Variants in PTPRN2 observed in about 807,000 individuals in gnomAD.
PTPRN2 encodes the protein receptor-type tyrosine-protein phosphatase N2.
A neutral mutation model predicts 118.8 loss-of-function variants in PTPRN2; 74 were observed. That is an observed-to-expected ratio of 0.62 (90% CI 0.52 to 0.76). PTPRN2 has a LOEUF of 0.76. Ranked by LOEUF, PTPRN2 falls within the 30% of genes least tolerant of loss-of-function variation. The pLI is 0.00. For missense variants in PTPRN2, 1,481 were observed against 1,394.4 expected (o/e 1.06, Z -0.99); for synonymous variants, 641 against 608.0 (o/e 1.05, Z -0.80).
chr7:157,566,418 A>G (rs1799488075), intron 21 of PTPRN2, among the ~76,000 whole-genome samples: 1 of 152,184 alleles, frequency 6.6e-6, no homozygotes, highest in Non-Finnish European at 1.5e-5. Context: ...ACCAGAACAA[A>G]ACCCCAGCGC....
rs565723335 is a variant in PTPRN2 at position 158,158,280 on chromosome 7, G to A, written c.910+8651C>T. Among the ~76,000 whole-genome samples the A allele has an allele frequency of 1.3e-4, 20 of 152,364 alleles. No homozygotes were observed. The East Asian group carries it at 3.5e-3, about 26-fold the overall frequency. ...TAATCTACTGCTGTCACCGTGAAAA[G>A]TCAAAGCTTTGGTTCAGTGCCCTCC... is the stretch of plus-strand genomic sequence containing the variant. On this transcript the variant is annotated intron_variant, in intron 6 of 22. Transcript: ENST00000389418.
intron 5 of PTPRN2, among the ~76,000 whole-genome samples, chr7:158,176,283 C>T (rs907454998): frequency 1.3e-5 from 2 of 152,170 alleles, no homozygotes; most frequent in South Asian, 2.1e-4. Context: ...GGACAGTCAT[C>T]GCCACGGGGC....
intron 14 of PTPRN2, among the ~76,000 whole-genome samples, chr7:157,643,625 C>T (rs930227315): frequency 6.6e-6 from 1 of 152,352 alleles, no homozygotes; most frequent in Admixed American, 6.5e-5. Context: ...TGACTGCTCC[C>T]CCGACGGAGC....
At chr7:158,111,617 G>A (rs182382823) in intron 9 of PTPRN2, among the ~76,000 whole-genome samples, 19 of 152,264 alleles carry the variant, frequency 1.2e-4, no homozygotes, top group African/African-American at 2.6e-4. Flanking sequence ...ATGTTGTACC[G>A]CAAAGGCTTT....
chr7:157,773,561 A>T (rs1311927324), intron 12 of PTPRN2, among the ~76,000 whole-genome samples: 3 of 152,168 alleles, frequency 2.0e-5, no homozygotes, highest in Non-Finnish European at 2.9e-5. Context: ...TGCACTCAAC[A>T]TCAGCTTCAC....
At chr7:158,100,452 T>C (rs1185200185) in intron 10 of PTPRN2, among the ~76,000 whole-genome samples, 1 of 152,224 alleles carries the variant, frequency 6.6e-6, no homozygotes, top group Non-Finnish European at 1.5e-5. Context: ...ATGGTAGTTC[T>C]TTTAGTTCTT....
At chr7:158,386,026 C>A (rs543943860) in intron 2 of PTPRN2, among the ~76,000 whole-genome samples, 1 of 121,964 alleles carries the variant, frequency 8.2e-6, no homozygotes, top group African/African-American at 3.3e-5. Flanking sequence ...GTCCCTCCTC[C>A]CGTGCCCCGA....
chr7:158,372,037 G>A (rs1351099822), intron 2 of PTPRN2, among the ~76,000 whole-genome samples: 7 of 152,180 alleles, frequency 4.6e-5, no homozygotes, highest in African/African-American at 9.7e-5. Flanking sequence ...GGCTGTGTGC[G>A]GAAGACCCCC....
chr7:158,383,356 A>G (rs1811106362), intron 2 of PTPRN2, among the ~76,000 whole-genome samples: 1 of 152,202 alleles, frequency 6.6e-6, no homozygotes, highest in Non-Finnish European at 1.5e-5. Flanking sequence ...TTCAGAACAG[A>G]GCAATCATGC....
intron 12 of PTPRN2, among the ~76,000 whole-genome samples, chr7:157,821,951 C>T (rs761561683): frequency 2.0e-5 from 3 of 152,008 alleles, no homozygotes; most frequent in Non-Finnish European, 2.9e-5. Context: ...TCCATACACC[C>T]ACTCATCCAC....
rs1434346015 is a variant in PTPRN2, at chr7:157,868,242, G to T, written c.1788+30431C>A. ...CCTACAACTGCTTCCCATCGAGGTG[G>T]TGGGCTGGGACTCGGCAAGCCCATC... On this transcript the variant is annotated intron_variant, in intron 12 of 22. Transcript: ENST00000389418. This position sits in a 1 kb window ranked among gnomAD's most constrained non-coding sequence, Gnocchi z 5.2. Among the ~76,000 whole-genome samples, 3 of 152,216 alleles carry T rather than the reference G, an allele frequency of 2.0e-5. No homozygotes were observed. The highest frequency in any genetic ancestry group is 4.4e-5 in the Non-Finnish European group (3 of 68,032).
chr7:158,068,099 A>C (rs547104252), intron 11 of PTPRN2, among the ~76,000 whole-genome samples: 4 of 152,266 alleles, frequency 2.6e-5, no homozygotes, highest in South Asian at 2.1e-4. Flanking sequence ...GGGCAACAGG[A>C]CTTGGTGGGG....
chr7:158,214,663 G>T (rs900213011), intron 3 of PTPRN2, among the ~76,000 whole-genome samples: 1 of 152,066 alleles, frequency 6.6e-6, no homozygotes, highest in Admixed American at 6.5e-5. Flanking sequence ...GCCAAGTAGG[G>T]ATCCAGAACT....
At position 158,422,285 on chromosome 7, in the gene PTPRN2, G is replaced by A. The variant is rs547431232; in HGVS notation, c.163+67450C>T. Among the ~76,000 whole-genome samples the A allele has an allele frequency of 3.3e-5, 5 of 152,272 alleles. No individual in the cohort carries two copies. The South Asian group carries it at 6.2e-4, about 19-fold the overall frequency. ...TTAAACAGCAAAAGACAGCATCCAC[G>A]TCTCTGCAAAAGGCTTGAACTCTTT... On this transcript the variant is annotated intron_variant, in intron 2 of 22. Transcript: ENST00000389418.
At chr7:158,156,815 T>C (rs1486611956) in intron 6 of PTPRN2, among the ~76,000 whole-genome samples, 2 of 152,224 alleles carry the variant, frequency 1.3e-5, no homozygotes, top group African/African-American at 2.4e-5. Flanking sequence ...AGCGTTCAGG[T>C]TGGAACTGGG....
intron 12 of PTPRN2, among the ~76,000 whole-genome samples, chr7:157,821,439 G>A (rs1348121887): frequency 6.6e-6 from 1 of 152,212 alleles, no homozygotes; most frequent in Non-Finnish European, 1.5e-5. Context: ...CCCAGCATTT[G>A]GAGAGCATGT....
At chr7:158,513,426 G>GA (rs1823316227) in intron 1 of PTPRN2, among the ~76,000 whole-genome samples, 1 of 152,292 alleles carries the variant, frequency 6.6e-6, no homozygotes, top group Admixed American at 6.5e-5. Context: ...TTCATTAGGT[G>GA]AAAACTAAGG....
At chr7:157,714,154 G>A (rs2109303) in intron 12 of PTPRN2, among the ~76,000 whole-genome samples, 35,714 of 152,162 alleles carry the variant, frequency 0.23, 5,029 homozygotes, top group Non-Finnish European at 0.32. Flanking sequence ...CTGCAGAGAC[G>A]TCTCACAGGT....
In PTPRN2 at chr7:157,947,137, T is replaced by A. The variant is rs551684899; in HGVS notation, c.1724-48400A>T. Among the ~76,000 whole-genome samples the A allele has an allele frequency of 2.6e-5, 4 of 152,256 alleles. No homozygotes were observed. In the South Asian group the frequency reaches 8.3e-4, roughly 32 times the overall value. On this transcript the variant is annotated intron_variant, in intron 11 of 22. Transcript: ENST00000389418. ...GGAGGCACAGGGTGGGCAACTGGGA[T>A]GTGGGCAGGATGCGAAAAGGTCTGT... is the stretch of plus-strand genomic sequence containing the variant.
Sources: gnomAD v4.1 joint callset for allele counts (sites outside exome capture counted in the v4.1 genomes callset) on GRCh38, gnomAD v4.1.1 for gene constraint, Gnocchi (gnomAD v3.1) non-coding constraint, MANE v1.5 for transcripts, NCBI Gene and HGNC (gene_info 2026-07-23, HGNC 2026-07-21) for gene names.